Variants in ATP11B observed in about 807,000 individuals in gnomAD.
ATP11B encodes phospholipid-transporting ATPase IF.
In ATP11B, 81 loss-of-function variants were observed where a neutral mutation model predicts 157.8. That is an observed-to-expected ratio of 0.51 (90% confidence interval 0.43 to 0.62). The LOEUF (loss-of-function observed/expected upper bound fraction) is 0.62, where lower values mean the gene tolerates loss of function less well. Ranked by LOEUF, ATP11B falls within the 20% of genes least tolerant of loss-of-function variation. ATP11B has a pLI of 0.00. For synonymous variants in ATP11B, 451 were observed against 469.4 expected (o/e 0.96, Z 0.51); for missense variants, 1,165 against 1,402.2 (o/e 0.83, Z 2.70).
At position 182,869,309 on chromosome 3, in the gene ATP11B, T is replaced by A; in HGVS notation, c.1844T>A (p.Ile615Asn). Residue 615 changes from isoleucine (I) to asparagine (N), a missense_variant, in exon 17 of 30, where the codon ATT (isoleucine) becomes AAT (asparagine). Ile to Asn is a moderately radical substitution (Grantham distance 149). Transcript: ENST00000323116. ...GGTGGAGAAATAGAAAAAACCAGAA[T>A]TCATGTAGATGAATTTGCTTTGGTG... is the stretch of plus-strand genomic sequence containing the variant. Reference protein sequence around the residue: ...CIGGEIEKTRIHVDEFALKGL... With the variant: ...CIGGEIEKTRNHVDEFALKGL... 2 of 1,605,264 alleles carry A rather than the reference T, an allele frequency of 1.2e-6. No individual in the cohort carries two copies. The highest frequency in any genetic ancestry group is 8.5e-7 in the Non-Finnish European group (1 of 1,175,916).
chr3:182,825,459 C>G (rs1447485280), intron 2 of ATP11B, among the ~76,000 whole-genome samples: 1 of 152,142 alleles, frequency 6.6e-6, no homozygotes, highest in Non-Finnish European at 1.5e-5. Flanking sequence ...TGGCACACAC[C>G]TGTAATCCTA....
chr3:182,862,039 A>G (rs889926863), intron 12 of ATP11B, among the ~76,000 whole-genome samples: 9 of 152,230 alleles, frequency 5.9e-5, no homozygotes, highest in African/African-American at 1.9e-4. Context: ...TGAGCCCAGG[A>G]GTTCAAGACC....
At chr3:182,907,284 T>G (rs1287426065) in intron 28 of ATP11B, among the ~76,000 whole-genome samples, 2 of 152,220 alleles carry the variant, frequency 1.3e-5, no homozygotes, top group Non-Finnish European at 2.9e-5. Flanking sequence ...TTTTATTTAT[T>G]GTAATTACTA....
At chr3:182,859,588 A>G (rs1359877433) in intron 12 of ATP11B, among the ~76,000 whole-genome samples, 1 of 152,148 alleles carries the variant, frequency 6.6e-6, no homozygotes, top group Admixed American at 6.5e-5. Flanking sequence ...GACATTATCT[A>G]CTATGGAATA....
intron 7 of ATP11B, among the ~76,000 whole-genome samples, chr3:182,838,953 A>G (rs536392067): frequency 5.3e-5 from 8 of 152,302 alleles, no homozygotes; most frequent in African/African-American, 1.7e-4. Flanking sequence ...ATGAAATAAG[A>G]TACAAAGTTG....
At chr3:182,850,632 G>A (rs929901771) in intron 10 of ATP11B, among the ~76,000 whole-genome samples, 1 of 152,200 alleles carries the variant, frequency 6.6e-6, no homozygotes, top group Non-Finnish European at 1.5e-5. Flanking sequence ...ATACGTGGTT[G>A]GTGGGCATGT....
At chr3:182,910,784 C>T (rs1228372522) in intron 28 of ATP11B, among the ~76,000 whole-genome samples, 1 of 152,180 alleles carries the variant, frequency 6.6e-6, no homozygotes, top group Non-Finnish European at 1.5e-5. Context: ...AGACAAGATC[C>T]TTGCTCTTTT....
chr3:182,878,721 G>C (rs183723190), intron 19 of ATP11B, among the ~76,000 whole-genome samples: 1 of 152,088 alleles, frequency 6.6e-6, no homozygotes, highest in African/African-American at 2.4e-5. Flanking sequence ...ATCCATCATC[G>C]GTTTCCTATT....
chr3:182,845,009 T>TTTTTTTTTTTTTTAGATGGGG (rs1560081876), intron 8 of ATP11B, among the ~76,000 whole-genome samples: 1 of 112,090 alleles, frequency 8.9e-6, no homozygotes, highest in Non-Finnish European at 1.7e-5. Flanking sequence ...TTTTTTTATT[T>TTTTTTTTTTTTTTAGATGGGG]TTTTTTATTT....
intron 19 of ATP11B, among the ~76,000 whole-genome samples, chr3:182,878,752 C>T (rs965326546): frequency 5.3e-5 from 8 of 152,184 alleles, no homozygotes; most frequent in African/African-American, 1.9e-4. Flanking sequence ...GCTGTTCCTT[C>T]ATTCTTTTCC....
rs562819161 is a variant in ATP11B, at chr3:182,850,799, C to T, written c.851+2242C>T. ...ATCTGCACTTGCATGTTTATTGCAG[C>T]ACTATTCATAATAGCAAAGATAAGG... On this transcript the variant is annotated intron_variant, in intron 10 of 29. Transcript: ENST00000323116. Among the ~76,000 whole-genome samples the T allele has an allele frequency of 8.4e-4, 128 of 152,182 alleles. 1 individual carries two copies. Among genetic ancestry groups the T allele is most frequent in the African/African-American group, 2.9e-3 (122 of 41,514 alleles).
At chr3:182,819,964 GTT>G (rs1266763766) in intron 1 of ATP11B, among the ~76,000 whole-genome samples, 2 of 151,726 alleles carry the variant, frequency 1.3e-5, no homozygotes, top group Non-Finnish European at 1.5e-5. Context: ...AGAATGAACT[GTT>G]TTTCATTACT....
At chr3:182,914,406 C>T (rs1478766049) in intron 29 of ATP11B, 2 of 985,650 alleles carry the variant, frequency 2.0e-6, no homozygotes, top group South Asian at 9.4e-5. Context: ...ACAGTGAAGT[C>T]AAAGGCTTTC....
chr3:182,887,841 G>C, intron 24 of ATP11B, 128 bp downstream of exon 24: 2 of 979,970 alleles, frequency 2.0e-6, no homozygotes, highest in South Asian at 3.4e-5. Context: ...ATTTACAGTT[G>C]TTGAATATCA....
intron 25 of ATP11B, among the ~76,000 whole-genome samples, chr3:182,893,918 T>C (rs190907004): frequency 6.6e-6 from 1 of 152,350 alleles, no homozygotes; most frequent in Admixed American, 6.5e-5. Context: ...GTGGTTTTGA[T>C]ATGGATTTCC....
chr3:182,839,517 AG>A (rs1021907966), intron 7 of ATP11B, among the ~76,000 whole-genome samples: 2 of 152,170 alleles, frequency 1.3e-5, no homozygotes, highest in Admixed American at 1.3e-4. Context: ...AAAAACCTGG[AG>A]GAATTGTAGA....
chr3:182,817,346 T>A (rs537521745), intron 1 of ATP11B, among the ~76,000 whole-genome samples: 1 of 152,100 alleles, frequency 6.6e-6, no homozygotes, highest in South Asian at 2.1e-4. Flanking sequence ...AGTGGCACGA[T>A]CTCAGCTCAC....
At chr3:182,797,829 T>G (rs559248951) in intron 1 of ATP11B, among the ~76,000 whole-genome samples, 1 of 152,366 alleles carries the variant, frequency 6.6e-6, no homozygotes, top group East Asian at 1.9e-4. Context: ...TTGTTTCTTT[T>G]TACTTTTTTT....
chr3:182,859,032 G>T (rs1158116713), intron 11 of ATP11B, 130 bp from the exon 12 acceptor site: 1 of 543,992 alleles, frequency 1.8e-6, no homozygotes, highest in Non-Finnish European at 3.2e-6. Flanking sequence ...TTCAATTCAT[G>T]AGACTATTCT....
Sources: allele counts gnomAD v4.1 joint callset (sites outside exome capture counted in the v4.1 genomes callset), GRCh38; gene constraint gnomAD v4.1.1; transcripts MANE v1.5; gene names NCBI Gene and HGNC (gene_info 2026-07-23, HGNC 2026-07-21).